The following SCNN1B variants were observed in gnomAD, a reference collection of about 807,000 sequenced individuals.
SCNN1B encodes sodium channel epithelial 1 subunit beta.
In SCNN1B, 46 loss-of-function variants were observed where a neutral mutation model predicts 65.3. The observed-to-expected ratio is 0.70, with a 90% confidence interval of 0.56 to 0.90. SCNN1B has a LOEUF of 0.90. SCNN1B is among the 40% of genes least tolerant of loss of function. The pLI is 0.00. For synonymous variants in SCNN1B, 349 were observed against 330.6 expected (o/e 1.06, Z -0.60); for missense variants, 751 against 830.5 (o/e 0.90, Z 1.18).
chr16:23,367,800 G>A (rs569235071), intron 4 of SCNN1B, 56 bp from the exon 5 acceptor site: 19 of 1,325,142 alleles, frequency 1.4e-5, no homozygotes, highest in African/African-American at 5.8e-5. Context: ...GCAGACAGTC[G>A]GGGGAGGCAT....
upstream of SCNN1B, among the ~76,000 whole-genome samples, chr16:23,301,525 G>C (rs1250336127): frequency 6.6e-6 from 1 of 152,136 alleles, no homozygotes; most frequent in East Asian, 1.9e-4. Flanking sequence ...ACAATCTATG[G>C]AGAAATATAC....
intron 1 of SCNN1B, among the ~76,000 whole-genome samples, chr16:23,329,322 C>T (rs1391539586): frequency 6.6e-6 from 1 of 151,792 alleles, no homozygotes; most frequent in African/African-American, 2.4e-5. Context: ...CACTGTATTG[C>T]CCAGACTGGT....
rs1247813421 is a variant in SCNN1B, at chr16:23,380,897, G to A, written c.*96G>A. 2 of 1,383,302 alleles carry A rather than the reference G, an allele frequency of 1.4e-6. No homozygotes were observed. Among genetic ancestry groups the A allele is most frequent in the Non-Finnish European group, 1.0e-6 (1 of 976,712 alleles). 85.7% of individuals were successfully genotyped at this position (1,383,302 alleles called of 1,614,324 possible). A position where few individuals can be genotyped will look rare whatever the true frequency, so the allele number is the denominator to read the frequency against. On this transcript the variant is annotated 3_prime_UTR_variant, in exon 13 of 13. Transcript: ENST00000343070. This position sits in a 1 kb window ranked among gnomAD's most constrained non-coding sequence, Gnocchi z 5.4. ...TATGGTGCCCTCTCCAAAGGGTCGG[G>A]AGGGTAGCTCTCCAGGCCAGAGCTT... is the stretch of plus-strand genomic sequence containing the variant.
In SCNN1B at chr16:23,375,773, C is replaced by T. The variant is rs1365755265; in HGVS notation, c.1188C>T (p.Ile396=). The T allele has an allele frequency of 6.2e-7, 1 of 1,614,008 alleles. No individual in the cohort carries two copies. The highest frequency in any genetic ancestry group is 1.7e-5 in the Admixed American group (1 of 59,998). ...CLRSCFQDHM[I]RNCNCGHYLY... ...GCTCCTGCTTCCAAGACCACATGATCCGTAACTGCAACTGTGGCCACTACC... is the reference window on the plus strand; with the variant it reads ...GCTCCTGCTTCCAAGACCACATGATTCGTAACTGCAACTGTGGCCACTACC... Residue 396 remains isoleucine (I), a synonymous_variant, in exon 8 of 13, where the codon ATC becomes ATT. Coordinates refer to ENST00000343070, the MANE Select transcript of SCNN1B (RefSeq NM_000336.3).
intron 1 of SCNN1B, among the ~76,000 whole-genome samples, chr16:23,305,659 C>T (rs1961202308): frequency 7.0e-6 from 1 of 143,318 alleles, no homozygotes; most frequent in African/African-American, 2.5e-5. Flanking sequence ...AGGTGAGAGG[C>T]TCCCCTGAGC....
chr16:23,358,776 G>A (rs148317591), intron 4 of SCNN1B, among the ~76,000 whole-genome samples: 4 of 152,218 alleles, frequency 2.6e-5, no homozygotes, highest in Non-Finnish European at 5.9e-5. Flanking sequence ...GTGTGGTGGC[G>A]CATGCCTGTA....
intron 1 of SCNN1B, chr16:23,283,721 A>G: frequency 6.6e-6 from 1 of 152,226 alleles, no homozygotes; most frequent in East Asian, 1.9e-4. Context: ...AATTAATTAC[A>G]CAAATGATTC....
chr16:23,335,459 CTT>C (rs34325892), intron 1 of SCNN1B, among the ~76,000 whole-genome samples: 7,618 of 137,378 alleles, frequency 0.055, 344 homozygotes, highest in East Asian at 0.24. Context: ...CCTGTATTTT[CTT>C]TTTTTTTTTT....
chr16:23,378,703 C>T lies in SCNN1B; in HGVS notation c.1405-3C>T, dbSNP rs1237629971. Reference sequence around the variant, plus strand: ...CTTTTGCAACCACCTTCTTGGGTTCCAGGACTGGATTTTCCACGTCTTGTC... The same window carrying T: ...CTTTTGCAACCACCTTCTTGGGTTCTAGGACTGGATTTTCCACGTCTTGTC... On this transcript the variant is annotated splice_polypyrimidine_tract_variant and splice_region_variant and intron_variant, in intron 10 of 12. Coordinates refer to ENST00000343070, the MANE Select transcript of SCNN1B (RefSeq NM_000336.3). The T allele has an allele frequency of 6.2e-7, 1 of 1,614,110 alleles. No homozygotes were observed. Among genetic ancestry groups the T allele is most frequent in the Non-Finnish European group, 8.5e-7 (1 of 1,180,008 alleles).
At chr16:23,373,579 C>G (rs1182763348) in intron 7 of SCNN1B, among the ~76,000 whole-genome samples, 1 of 152,152 alleles carries the variant, frequency 6.6e-6, no homozygotes, top group Non-Finnish European at 1.5e-5. Flanking sequence ...CAAAAATGAC[C>G]ACTCGCTGAT....
At chr16:23,287,015 T>A (rs1411695279) in intron 2 of SCNN1B, among the ~76,000 whole-genome samples, 1 of 151,516 alleles carries the variant, frequency 6.6e-6, no homozygotes, top group Non-Finnish European at 1.5e-5. Flanking sequence ...TTGTTTTTTT[T>A]TTTTTTGAGA....
intron 4 of SCNN1B, among the ~76,000 whole-genome samples, chr16:23,358,832 G>A (rs980812114): frequency 3.9e-5 from 6 of 152,210 alleles, no homozygotes; most frequent in African/African-American, 9.7e-5. Context: ...ACTTGAACCC[G>A]GAAGGCAGAG....
chr16:23,306,041 G>A (rs970973895), intron 1 of SCNN1B, among the ~76,000 whole-genome samples: 4 of 152,094 alleles, frequency 2.6e-5, no homozygotes, highest in Non-Finnish European at 1.5e-5. Context: ...TCAGGCGTTC[G>A]AGACCAGCCT....
chr16:23,312,705 T>C (rs11074555), intron 1 of SCNN1B, among the ~76,000 whole-genome samples: 50,999 of 151,944 alleles, frequency 0.34, 10,427 homozygotes, highest in African/African-American at 0.58. Flanking sequence ...GGCAAATGTC[T>C]GAGTGGATGA....
At chr16:23,354,763 A>G (rs902216073) in intron 3 of SCNN1B, among the ~76,000 whole-genome samples, 1 of 152,058 alleles carries the variant, frequency 6.6e-6, no homozygotes, top group Non-Finnish European at 1.5e-5. Context: ...GTGTGAATCT[A>G]TGTATATGGG....
At chr16:23,279,216 AT>A (rs1163757483) in intron 1 of SCNN1B, among the ~76,000 whole-genome samples, 3 of 152,036 alleles carry the variant, frequency 2.0e-5, no homozygotes, top group Non-Finnish European at 4.4e-5. Context: ...AGCTGGAATA[AT>A]TACAGGTGCC....
Position 23,371,421 on chromosome 16 carries a change from T to A in SCNN1B, c.1003T>A (p.Tyr335Asn), listed in dbSNP as rs1303804837. The change falls in exon 6 of 13, where the codon TAC (tyrosine) becomes AAC (asparagine). Residue 335 changes from tyrosine to asparagine, a missense_variant. By Grantham distance (143) the Tyr-to-Asn change is moderately radical. Coordinates refer to ENST00000343070, the MANE Select transcript of SCNN1B (RefSeq NM_000336.3). ...SYPFIRDEGI[Y>N]AMSGTETSIG... is the part of the protein sequence containing the mutation. ...CCCCTTCATCAGAGATGAGGGCATCTACGCCATGTCGGGGACAGAGACGTC... is the reference window on the plus strand; with the variant it reads ...CCCCTTCATCAGAGATGAGGGCATCAACGCCATGTCGGGGACAGAGACGTC... 1.2e-6 allele frequency: 2 copies of A among 1,614,034 alleles called. No individual in the cohort carries two copies. Among genetic ancestry groups the A allele is most frequent in the East Asian group, 4.5e-5 (2 of 44,876 alleles).
chr16:23,312,825 A>C (rs1367670101), intron 1 of SCNN1B, among the ~76,000 whole-genome samples: 9 of 152,148 alleles, frequency 5.9e-5, no homozygotes, highest in Non-Finnish European at 2.9e-5. Flanking sequence ...TCCTGGCCAC[A>C]GGATGGTGAG....
chr16:23,318,467 G>T (rs912937399), intron 1 of SCNN1B, among the ~76,000 whole-genome samples: 1 of 152,146 alleles, frequency 6.6e-6, no homozygotes, highest in African/African-American at 2.4e-5. Flanking sequence ...AAATTAGCCG[G>T]ACGTGGTGGC....
Sources: gnomAD v4.1 joint callset for allele counts (sites outside exome capture counted in the v4.1 genomes callset) on GRCh38, gnomAD v4.1.1 for gene constraint, Gnocchi (gnomAD v3.1) non-coding constraint, MANE v1.5 for transcripts, NCBI Gene and HGNC (gene_info 2026-07-23, HGNC 2026-07-21) for gene names.